The following ACTR3C variants were observed in gnomAD, a reference collection of about 807,000 sequenced individuals.
ACTR3C encodes actin-related protein 3C.
Under a neutral mutation model 26.3 loss-of-function variants are expected in ACTR3C, and 18 were observed. That is an observed-to-expected ratio of 0.68 (90% CI 0.47 to 1.01). The LOEUF (loss-of-function observed/expected upper bound fraction) is 1.01, where lower values mean the gene tolerates loss of function less well. ACTR3C is among the 50% of genes least tolerant of loss of function. ACTR3C has a pLI of 0.00. For synonymous variants in ACTR3C, 55 were observed against 94.5 expected, an observed-to-expected ratio of 0.58 and a Z score of 2.42; for missense variants, 184 against 250.7, an observed-to-expected ratio of 0.73 and a Z score of 1.80.
chr7:149,984,867 C>T, the ACTR3C span, among the ~76,000 whole-genome samples: 2 of 151,982 alleles, frequency 1.3e-5, no homozygotes, highest in African/African-American at 2.4e-5. Flanking sequence ...AATGTCGCTT[C>T]TGTTACCCAG....
At chr7:150,203,706 C>T in the ACTR3C span, among the ~76,000 whole-genome samples, 1 of 152,160 alleles carries the variant, frequency 6.6e-6, no homozygotes, top group Admixed American at 6.6e-5. Flanking sequence ...GTGGGGATTA[C>T]AGGTGCCCGC....
intron 6 of ACTR3C, among the ~76,000 whole-genome samples, chr7:150,250,561 A>G (rs188540809): frequency 6.6e-6 from 1 of 151,990 alleles, no homozygotes; most frequent in East Asian, 1.9e-4. Flanking sequence ...TGTGAGGGTT[A>G]AGGGCAGGTG....
chr7:150,193,826 C>T, the ACTR3C span, among the ~76,000 whole-genome samples: 5 of 151,624 alleles, frequency 3.3e-5, no homozygotes, highest in Non-Finnish European at 1.5e-5. Context: ...TATTTTATGG[C>T]CCAGAATATA....
the ACTR3C span, among the ~76,000 whole-genome samples, chr7:150,036,224 A>G: frequency 6.8e-6 from 1 of 146,370 alleles, no homozygotes. Context: ...CAGCCATCAC[A>G]AAATGGGGGG....
the ACTR3C span, chr7:150,040,408 A>G: frequency 6.8e-6 from 1 of 148,120 alleles, no homozygotes; most frequent in South Asian, 2.1e-4. Context: ...CCTTTAACTA[A>G]TGAAAGACTT....
At chr7:149,952,812 T>C in the ACTR3C span, among the ~76,000 whole-genome samples, 1 of 151,006 alleles carries the variant, frequency 6.6e-6, no homozygotes, top group Non-Finnish European at 1.5e-5. Context: ...TGATAAAGCC[T>C]TGTGTTGAGA....
At chr7:150,051,776 C>T in the ACTR3C span, among the ~76,000 whole-genome samples, 2 of 150,700 alleles carry the variant, frequency 1.3e-5, no homozygotes, top group African/African-American at 2.4e-5. Flanking sequence ...TGGGATTAGG[C>T]AGATGCTGCA....
At chr7:149,943,539 C>A in the ACTR3C span, among the ~76,000 whole-genome samples, 3 of 151,282 alleles carry the variant, frequency 2.0e-5, no homozygotes, top group Non-Finnish European at 4.4e-5. Context: ...CCAGCCTGAC[C>A]AACATGGTGA....
chr7:149,946,185 A>G, the ACTR3C span, among the ~76,000 whole-genome samples: 1 of 152,250 alleles, frequency 6.6e-6, no homozygotes, highest in African/African-American at 2.4e-5. Context: ...TCCAGGAATC[A>G]GGACTGTGCA....
At chr7:150,035,716 G>A in the ACTR3C span, among the ~76,000 whole-genome samples, 6 of 139,442 alleles carry the variant, frequency 4.3e-5, 1 homozygote, top group East Asian at 8.3e-4. Flanking sequence ...AAGCCAGGGG[G>A]TGAAGATGGT....
intron 6 of ACTR3C, among the ~76,000 whole-genome samples, chr7:150,276,594 T>C (rs1834905310): frequency 6.6e-6 from 1 of 152,200 alleles, no homozygotes; most frequent in African/African-American, 2.4e-5. Flanking sequence ...AATCTCCAGG[T>C]CCAGCCCTCA....
chr7:150,223,767 T>A, the ACTR3C span, among the ~76,000 whole-genome samples: 3 of 152,210 alleles, frequency 2.0e-5, no homozygotes, highest in Non-Finnish European at 4.4e-5. Context: ...AGCACATCTA[T>A]TGTCTCAGAG....
the ACTR3C span, among the ~76,000 whole-genome samples, chr7:150,042,951 C>A: frequency 1.3e-5 from 2 of 150,826 alleles, no homozygotes; most frequent in East Asian, 1.9e-4. Context: ...TCGCTGTTGT[C>A]GGGATCCCCA....
At chr7:149,997,656 G>A in the ACTR3C span, among the ~76,000 whole-genome samples, 1 of 149,656 alleles carries the variant, frequency 6.7e-6, no homozygotes, top group Non-Finnish European at 1.5e-5. Context: ...TTTCCTCTGA[G>A]TCATATGAGC....
At chr7:150,241,794 A>G (rs1485315408), downstream of ACTR3C, among the ~76,000 whole-genome samples, 4 of 152,238 alleles carry the variant, frequency 2.6e-5, no homozygotes, top group East Asian at 7.7e-4. Flanking sequence ...AAGACAAGCT[A>G]TCAATAGAAA....
At chr7:150,236,260 T>C in the ACTR3C span, among the ~76,000 whole-genome samples, 3 of 152,162 alleles carry the variant, frequency 2.0e-5, no homozygotes, top group African/African-American at 7.2e-5. Flanking sequence ...GTAATGAAGG[T>C]TTTCCTATGA....
the ACTR3C span, among the ~76,000 whole-genome samples, chr7:150,205,166 G>A: frequency 6.6e-6 from 1 of 152,184 alleles, no homozygotes; most frequent in Non-Finnish European, 1.5e-5. Flanking sequence ...ACTAGACAGA[G>A]TTTTGTTCTA....
Position 150,289,566 on chromosome 7 carries a change from T to G in ACTR3C, c.181A>C (p.Ile61Leu), listed in dbSNP as rs745929648. 3.1e-6 allele frequency: 5 copies of G among 1,593,424 alleles called. No individual in the cohort carries two copies. Residue 61 changes from isoleucine to leucine, a missense_variant, in exon 4 of 8, where the codon ATC (isoleucine) becomes CTC (leucine). Coordinates refer to ENST00000683684, the MANE Select transcript of ACTR3C (RefSeq NM_001164458.2). Reference sequence around the variant, plus strand: ...CTACCTGCAATCGGGATGTGTTTGATGCAGCTTCCAATTACATAACCTTCT... The same window carrying G: ...CTACCTGCAATCGGGATGTGTTTGAGGCAGCTTCCAATTACATAACCTTCT... ...VAEGYVIGSC[I>L]KHIPIAGRDI...
At chr7:150,203,257 G>C in the ACTR3C span, among the ~76,000 whole-genome samples, 1 of 152,166 alleles carries the variant, frequency 6.6e-6, no homozygotes, top group Non-Finnish European at 1.5e-5. Context: ...AACAGGGGGA[G>C]GATTTTATTG....
Sources: allele counts gnomAD v4.1 joint callset (sites outside exome capture counted in the v4.1 genomes callset), GRCh38; gene constraint gnomAD v4.1.1; transcripts MANE v1.5; gene names NCBI Gene and HGNC (gene_info 2026-07-23, HGNC 2026-07-21).